Variants in STX7 observed in about 807,000 individuals in gnomAD.
STX7 encodes syntaxin-7.
In STX7, 34 loss-of-function variants were observed where a neutral mutation model predicts 39.6. That is an observed-to-expected ratio of 0.86 (90% CI 0.65 to 1.14). STX7 has a LOEUF of 1.14. STX7 is among the 50% of genes most tolerant of loss of function. The probability of loss-of-function intolerance (pLI) is 0.00; values close to 1 mark genes in which losing one functional copy is unlikely to be tolerated. For missense variants in STX7, 284 were observed against 310.4 expected (o/e 0.92, Z 0.64); for synonymous variants, 119 against 99.1 (o/e 1.20, Z -1.19).
At chr6:132,460,922 TA>T in intron 9 of STX7, 72 bp from the exon 10 acceptor site, 1 of 1,300,830 alleles carries the variant, frequency 7.7e-7, no homozygotes, top group Non-Finnish European at 1.1e-6. Context: ...CTACAGCAAC[TA>T]AAAATAATTT....
chr6:132,481,395 T>G (rs533621264), intron 2 of STX7, among the ~76,000 whole-genome samples: 1 of 152,290 alleles, frequency 6.6e-6, no homozygotes, highest in Non-Finnish European at 1.5e-5. Flanking sequence ...ATTGCTTACC[T>G]TCATTATCAT....
chr6:132,477,326 G>C (rs1243824117), intron 2 of STX7, among the ~76,000 whole-genome samples: 5 of 151,948 alleles, frequency 3.3e-5, no homozygotes. Flanking sequence ...TAAGCGTATT[G>C]ATAATACAAA....
intron 2 of STX7, among the ~76,000 whole-genome samples, chr6:132,491,743 C>A (rs879831926): frequency 5.9e-5 from 9 of 152,116 alleles, no homozygotes; most frequent in African/African-American, 2.2e-4. Flanking sequence ...CAGGAACTGT[C>A]ACTCTTCCAT....
rs144028472 is a variant in STX7, at chr6:132,480,587, C to T, written c.86-4925G>A. Among the ~76,000 whole-genome samples, 504 of 152,168 alleles carry T rather than the reference C, an allele frequency of 3.3e-3. 2 individuals are homozygous for T. The highest frequency in any genetic ancestry group is 0.012 in the African/African-American group (485 of 41,524). ...TATGTTGATTGAGGTAATTATTAAG[C>T]GGAATTTGGGGTACGCTCATACACA... is the stretch of plus-strand genomic sequence containing the variant. On this transcript the variant is annotated intron_variant, in intron 2 of 9. Transcript: ENST00000367941.
At chr6:132,477,582 TATAA>T (rs1384270523) in intron 2 of STX7, among the ~76,000 whole-genome samples, 2 of 152,140 alleles carry the variant, frequency 1.3e-5, no homozygotes, top group Middle Eastern at 3.2e-3. Flanking sequence ...CTCTAAGAAA[TATAA>T]ATGTTTTTAT....
chr6:132,507,046 C>T (rs1489018812), intron 1 of STX7, among the ~76,000 whole-genome samples: 1 of 152,132 alleles, frequency 6.6e-6, no homozygotes, highest in African/African-American at 2.4e-5. Flanking sequence ...AGTGAAATGA[C>T]TCAGAAAAAA....
intron 2 of STX7, among the ~76,000 whole-genome samples, chr6:132,479,953 T>A (rs1022705414): frequency 2.6e-5 from 4 of 152,104 alleles, no homozygotes; most frequent in Non-Finnish European, 4.4e-5. Context: ...TTGTTGAGGG[T>A]TGACCCAACT....
At chr6:132,461,932 C>T (rs934788348) in intron 9 of STX7, 2 of 1,343,060 alleles carry the variant, frequency 1.5e-6, no homozygotes, top group South Asian at 2.8e-5. Flanking sequence ...TAAAAAGATA[C>T]ATTTCTGAGT....
Position 132,451,002 on chromosome 6 carries a change from A to T in STX7, c.*9756T>A, listed in dbSNP as rs969005252. Reference sequence around the variant, plus strand: ...AACAACTAAAAACTAAACACAAAGGAAAAAAAGAAAAAGAAAAAAGACAAA... The same window carrying T: ...AACAACTAAAAACTAAACACAAAGGTAAAAAAGAAAAAGAAAAAAGACAAA... On this transcript the variant is annotated 3_prime_UTR_variant, in exon 10 of 10. Transcript: ENST00000367941. 6.6e-6 allele frequency: 1 copy of T among 151,998 alleles called. No homozygotes were observed. Among genetic ancestry groups the T allele is most frequent in the Admixed American group, 6.5e-5 (1 of 15,272 alleles). The allele number at this position is 151,998 out of a possible 1,614,324, so 9.4% of individuals were successfully genotyped here. A position where few individuals can be genotyped will look rare whatever the true frequency, so the allele number is the denominator to read the frequency against.
chr6:132,468,560 T>A, intron 7 of STX7, 85 bp from the exon 8 acceptor site: 1 of 870,914 alleles, frequency 1.1e-6, no homozygotes, highest in Non-Finnish European at 1.8e-6. Context: ...CCCAAACCAC[T>A]ACTCACACAT....
chr6:132,499,591 G>A (rs1252520927), intron 2 of STX7, among the ~76,000 whole-genome samples: 2 of 152,120 alleles, frequency 1.3e-5, no homozygotes, highest in East Asian at 3.8e-4. Flanking sequence ...ACTCATTCTT[G>A]AAACATTCTT....
rs184328606 is a variant in STX7 at position 132,477,696 on chromosome 6, C to T, written c.86-2034G>A. Among the ~76,000 whole-genome samples the T allele has an allele frequency of 1.4e-3, 212 of 152,110 alleles. 1 individual carries two copies. Among genetic ancestry groups the T allele is most frequent in the African/African-American group, 4.8e-3 (200 of 41,514 alleles). On this transcript the variant is annotated intron_variant, in intron 2 of 9. Coordinates refer to ENST00000367941, the MANE Select transcript of STX7 (RefSeq NM_003569.3). ...CAGAGGAAAATATTGACAAATTTGA[C>T]TACATAAAATAACTTGGTTAAATGT... is the stretch of plus-strand genomic sequence containing the variant.
intron 2 of STX7, among the ~76,000 whole-genome samples, chr6:132,499,957 A>G (rs912340197): frequency 6.6e-6 from 1 of 152,078 alleles, no homozygotes; most frequent in African/African-American, 2.4e-5. Context: ...CTCAATGCAA[A>G]AACTATGGAG....
rs553252089 is a variant in STX7, at chr6:132,447,138, C to A, written c.*13620G>T. 6.6e-6 allele frequency: 1 copy of A among 152,130 alleles called. No individual in the cohort carries two copies. Among genetic ancestry groups the A allele is most frequent in the African/African-American group, 2.4e-5 (1 of 41,414 alleles). The allele number at this position is 152,130 out of a possible 1,614,324, so 9.4% of individuals were successfully genotyped here. ...AAAAAGATACTAATAAGTTTTTGTG[C>A]GTGTAACATTTGACACCAGGCTTTT... On this transcript the variant is annotated 3_prime_UTR_variant, in exon 10 of 10. Coordinates refer to ENST00000367941, the MANE Select transcript of STX7 (RefSeq NM_003569.3).
At position 132,458,674 on chromosome 6, in the gene STX7, A is replaced by T. The variant is rs1383344159; in HGVS notation, c.*2084T>A. 6.6e-6 allele frequency: 1 copy of T among 152,212 alleles called. No homozygotes were observed. Among genetic ancestry groups the T allele is most frequent in the African/African-American group, 2.4e-5 (1 of 41,460 alleles). 9.4% of individuals were successfully genotyped at this position (152,212 alleles called of 1,614,324 possible). A position where few individuals can be genotyped will look rare whatever the true frequency, so the allele number is the denominator to read the frequency against. ...AGAAAAGTTCAAGATTTTTTAAAAA[A>T]TTTGGCTACCATACTATGTTTCTTA... On this transcript the variant is annotated 3_prime_UTR_variant, in exon 10 of 10. Coordinates refer to ENST00000367941, the MANE Select transcript of STX7 (RefSeq NM_003569.3).
rs531978128 is a variant in STX7 at position 132,452,267 on chromosome 6, T to C, written c.*8491A>G. On this transcript the variant is annotated 3_prime_UTR_variant, in exon 10 of 10. Coordinates refer to ENST00000367941, the MANE Select transcript of STX7 (RefSeq NM_003569.3). ...AGCAAGAGCATCTACTTTAAAAACC[T>C]ACAGCTAACATTATACTTCATGGTG... 4 of 152,246 alleles carry C rather than the reference T, an allele frequency of 2.6e-5. No homozygotes were observed. Among genetic ancestry groups the C allele is most frequent in the African/African-American group, 9.6e-5 (4 of 41,566 alleles). 9.4% of individuals were successfully genotyped at this position (152,246 alleles called of 1,614,324 possible). A position where few individuals can be genotyped will look rare whatever the true frequency, so the allele number is the denominator to read the frequency against.
Position 132,458,104 on chromosome 6 carries a change from TATTC to T in STX7, c.*2650_*2653del, listed in dbSNP as rs1005177990. The stretch of plus-strand genomic sequence containing the variant: ...ATTGTAGGTGTGTCTAAACAATTGA[TATTC>T]AAAAACACAACTTTTTGTGTACAAA... On this transcript the variant is annotated 3_prime_UTR_variant, in exon 10 of 10. Coordinates refer to ENST00000367941, the MANE Select transcript of STX7 (RefSeq NM_003569.3). 7.9e-5 allele frequency: 12 copies of T among 152,350 alleles called. No individual in the cohort carries two copies. The highest frequency in any genetic ancestry group is 2.6e-4 in the African/African-American group (11 of 41,580). The allele number at this position is 152,350 out of a possible 1,614,324, so 9.4% of individuals were successfully genotyped here. A position where few individuals can be genotyped will look rare whatever the true frequency, so the allele number is the denominator to read the frequency against.
At chr6:132,485,375 T>C (rs1164990990) in intron 2 of STX7, among the ~76,000 whole-genome samples, 1 of 152,238 alleles carries the variant, frequency 6.6e-6, no homozygotes, top group African/African-American at 2.4e-5. Context: ...CAATAGTGCA[T>C]TCCTTTTATT....
chr6:132,512,019 GGCCAACTTCTCAAAGTA>G (rs1321765842), intron 1 of STX7, among the ~76,000 whole-genome samples: 1 of 152,038 alleles, frequency 6.6e-6, no homozygotes, highest in African/African-American at 2.4e-5. Flanking sequence ...ACGAGTCTGA[GGCCAACTTCTCAAAGTA>G]GCCTATAAGG....
Sources: allele counts gnomAD v4.1 joint callset (sites outside exome capture counted in the v4.1 genomes callset), GRCh38; gene constraint gnomAD v4.1.1; transcripts MANE v1.5; gene names NCBI Gene and HGNC (gene_info 2026-07-23, HGNC 2026-07-21).